CCDC50: variants seen among roughly 807,000 people sequenced by gnomAD.
CCDC50 encodes the protein coiled-coil domain-containing protein 50.
Under a neutral mutation model 70.2 loss-of-function variants are expected in CCDC50, and 54 were observed. The ratio of observed to expected loss-of-function variants is 0.77; its 90% confidence interval spans 0.62 to 0.96. The LOEUF is 0.96. Ranked by LOEUF, CCDC50 falls within the 50% of genes least tolerant of loss-of-function variation. The pLI, the probability that CCDC50 is intolerant of heterozygous loss-of-function variation, is 0.00. For missense variants in CCDC50, 558 were observed against 578.7 expected (o/e 0.96, Z 0.37); for synonymous variants, 216 against 198.8 (o/e 1.09, Z -0.73).
intron 6 of CCDC50, among the ~76,000 whole-genome samples, 185 bp from the exon 7 acceptor site, chr3:191,379,974 C>T (rs1029379771): frequency 6.6e-6 from 1 of 152,018 alleles, no homozygotes; most frequent in Non-Finnish European, 1.5e-5. Context: ...TATGCATTAT[C>T]TACATTGCCA....
chr3:191,370,206 G>A (rs1712852855), intron 5 of CCDC50, 170 bp downstream of exon 5: 1 of 566,198 alleles, frequency 1.8e-6, no homozygotes, highest in Non-Finnish European at 3.2e-6. Flanking sequence ...ATAAATTCAT[G>A]TTTTGTTTTG....
chr3:191,381,611 A>G (rs1203940354), intron 9 of CCDC50, among the ~76,000 whole-genome samples: 1 of 152,136 alleles, frequency 6.6e-6, no homozygotes. Flanking sequence ...AGACAAAGAC[A>G]TTTTTCCTGA....
In CCDC50 at chr3:191,370,001, G is replaced by T; in HGVS notation, c.413G>T (p.Arg138Leu). ...KKHFPEFPAT[R>L]AYADSYYYED... ...CACTTTCCAGAGTTCCCTGCAACCCGTGCTTATGCAGATAGTTACTATTAT... is the reference window on the plus strand; with the variant it reads ...CACTTTCCAGAGTTCCCTGCAACCCTTGCTTATGCAGATAGTTACTATTAT... Residue 138 changes from arginine to leucine, a missense_variant, in exon 5 of 12, where the codon CGT becomes CTT. Transcript: ENST00000392455. 1 of 1,612,694 alleles carries T rather than the reference G, an allele frequency of 6.2e-7. No individual in the cohort carries two copies. The highest frequency in any genetic ancestry group is 8.5e-7 in the Non-Finnish European group (1 of 1,178,944).
chr3:191,357,095 A>G lies in CCDC50; in HGVS notation c.57A>G (p.Arg19=). The change falls in exon 2 of 12, where the codon CGA becomes CGG. Residue 19 remains arginine (R), a synonymous_variant. Coordinates refer to ENST00000392455, the MANE Select transcript of CCDC50 (RefSeq NM_178335.3). Reference sequence around the variant, plus strand: ...TTCCTCCATCTACTCTAGTATGCCGAGATTTTGCTGTCCTGGAGGACCACA... The same window carrying G: ...TTCCTCCATCTACTCTAGTATGCCGGGATTTTGCTGTCCTGGAGGACCACA... ...SKLPGVKEVC[R]DFAVLEDHTL... is the part of the protein sequence containing the mutation. 6.2e-7 allele frequency: 1 copy of G among 1,611,320 alleles called. No individual in the cohort carries two copies. Among genetic ancestry groups the G allele is most frequent in the South Asian group, 1.1e-5 (1 of 91,012 alleles).
chr3:191,388,780 A>G (rs535801125), intron 10 of CCDC50, among the ~76,000 whole-genome samples: 262 of 152,300 alleles, frequency 1.7e-3, no homozygotes, highest in Non-Finnish European at 2.5e-3. Context: ...AAATTTGATA[A>G]TCTGGTGCTA....
intron 10 of CCDC50, among the ~76,000 whole-genome samples, chr3:191,383,434 TG>T (rs1713388838): frequency 6.6e-6 from 1 of 152,142 alleles, no homozygotes; most frequent in East Asian, 1.9e-4. Context: ...TTTTTTTAAT[TG>T]CTTTTTGTTG....
chr3:191,350,789 G>C (rs1348952432), intron 1 of CCDC50, among the ~76,000 whole-genome samples: 1 of 141,928 alleles, frequency 7.0e-6, no homozygotes, highest in Non-Finnish European at 1.6e-5. Context: ...GCTGTTCACT[G>C]TTTAGATTTG....
Position 191,391,785 on chromosome 3 carries a change from T to C in CCDC50, c.*25T>C. On this transcript the variant is annotated 3_prime_UTR_variant, in exon 12 of 12. Coordinates refer to ENST00000392455, the MANE Select transcript of CCDC50 (RefSeq NM_178335.3). ...AAAACCTAGGAATCTGCCTTGAAAA[T>C]GGACTCACTATAGCAAATATTACTG... The C allele has an allele frequency of 1.2e-6, 2 of 1,604,778 alleles. No homozygotes were observed. Among genetic ancestry groups the C allele is most frequent in the South Asian group, 1.1e-5 (1 of 90,834 alleles).
chr3:191,380,788 G>T, intron 8 of CCDC50, 40 bp from the exon 9 acceptor site: 1 of 1,608,482 alleles, frequency 6.2e-7, no homozygotes, highest in Non-Finnish European at 8.5e-7. Flanking sequence ...ATTTCTATCT[G>T]CACCTCTGCA....
At chr3:191,333,217 C>G (rs535980524) in intron 1 of CCDC50, among the ~76,000 whole-genome samples, 3 of 152,192 alleles carry the variant, frequency 2.0e-5, no homozygotes, top group Admixed American at 2.0e-4. Context: ...AATCCTTTTT[C>G]TTTAGTGAAA....
intron 11 of CCDC50, among the ~76,000 whole-genome samples, chr3:191,390,187 T>C (rs1370352783): frequency 6.6e-6 from 1 of 152,098 alleles, no homozygotes; most frequent in Non-Finnish European, 1.5e-5. Flanking sequence ...GTGACCTCCA[T>C]TTAGATCTGT....
At chr3:191,373,900 T>G (rs1712999930) in intron 5 of CCDC50, among the ~76,000 whole-genome samples, 2 of 152,176 alleles carry the variant, frequency 1.3e-5, no homozygotes, top group African/African-American at 4.8e-5. Context: ...ACCTCTTTCT[T>G]GCTCTGTTCC....
intron 1 of CCDC50, 86 bp downstream of exon 1, chr3:191,329,809 T>C: frequency 7.0e-7 from 1 of 1,435,680 alleles, no homozygotes; most frequent in African/African-American, 1.4e-5. Flanking sequence ...CCATTTCGGC[T>C]CCCGCGGCCC....
chr3:191,331,962 C>T (rs1718003075), intron 1 of CCDC50, among the ~76,000 whole-genome samples: 2 of 151,974 alleles, frequency 1.3e-5, no homozygotes, highest in Non-Finnish European at 2.9e-5. Context: ...CAAAAAAATC[C>T]CTGTATCTGT....
rs867247933 is a variant in CCDC50, at chr3:191,380,170, A to G, written c.988A>G (p.Arg330Gly). The change falls in exon 7 of 12, where the codon AGA becomes GGA. Residue 330 changes from arginine to glycine, a missense_variant. By Grantham distance (125) the Arg-to-Gly change is moderately radical. Transcript: ENST00000392455. ...TTTTTTTTTTAAAGGAATGAAGCCA[A>G]GAGTGATGAAAGAAGCTGTATCTAC... ...LHLHDAGMKP[R>G]VMKEAVSTPS... is the part of the protein sequence containing the mutation. The G allele has an allele frequency of 9.5e-6, 15 of 1,580,246 alleles. No individual in the cohort carries two copies. The highest frequency in any genetic ancestry group is 1.3e-5 in the Non-Finnish European group (15 of 1,151,034).
At chr3:191,354,283 G>T (rs919529838) in intron 1 of CCDC50, among the ~76,000 whole-genome samples, 6 of 152,064 alleles carry the variant, frequency 3.9e-5, no homozygotes, top group Admixed American at 3.3e-4. Flanking sequence ...AGGCACTCAT[G>T]CCCCTCTTCG....
At chr3:191,345,745 A>G (rs145038742) in intron 1 of CCDC50, among the ~76,000 whole-genome samples, 2,195 of 152,216 alleles carry the variant, frequency 0.014, 36 homozygotes, top group Admixed American at 0.021. Flanking sequence ...ATTAGAAAAA[A>G]AAATAACTCA....
intron 10 of CCDC50, among the ~76,000 whole-genome samples, chr3:191,386,119 A>T (rs2108674042): frequency 6.6e-6 from 1 of 151,648 alleles, no homozygotes; most frequent in East Asian, 1.9e-4. Flanking sequence ...TTTTGGTTCC[A>T]TGTGAATTAA....
intron 1 of CCDC50, among the ~76,000 whole-genome samples, chr3:191,332,008 T>C (rs758270363): frequency 1.3e-5 from 2 of 152,200 alleles, no homozygotes; most frequent in African/African-American, 2.4e-5. Context: ...TTGATAGATA[T>C]ATATGCAGTT....
Sources: allele counts gnomAD v4.1 joint callset (sites outside exome capture counted in the v4.1 genomes callset), GRCh38; gene constraint gnomAD v4.1.1; transcripts MANE v1.5; gene names NCBI Gene and HGNC (gene_info 2026-07-23, HGNC 2026-07-21).